Variants in PPP1CB observed in about 807,000 individuals in gnomAD.
PPP1CB encodes the protein protein phosphatase 1 catalytic subunit beta.
A neutral mutation model predicts 43.7 loss-of-function variants in PPP1CB; 2 were observed. That is an observed-to-expected ratio of 0.05 (90% CI 0.02 to 0.14). The LOEUF (loss-of-function observed/expected upper bound fraction) is 0.14. Ranked by LOEUF, PPP1CB falls within the 10% of genes least tolerant of loss-of-function variation. The pLI, the probability that PPP1CB is intolerant of heterozygous loss-of-function variation, is 1.00. For missense variants in PPP1CB, 84 were observed against 398.0 expected (o/e 0.21, Z 6.71); for synonymous variants, 136 against 135.6 (o/e 1.00, Z -0.02).
intron 7 of PPP1CB, among the ~76,000 whole-genome samples, chr2:28,796,507 G>A (rs1667500509): frequency 6.6e-6 from 1 of 151,956 alleles, no homozygotes; most frequent in Non-Finnish European, 1.5e-5. Context: ...CACCTCCCTG[G>A]TTAGCTGTAT....
chr2:28,784,155 G>T (rs987889181), intron 5 of PPP1CB, among the ~76,000 whole-genome samples, 177 bp downstream of exon 5: 3 of 152,194 alleles, frequency 2.0e-5, no homozygotes, highest in Admixed American at 6.5e-5. Flanking sequence ...ACTTTGCACT[G>T]ATCCTCAAAA....
intron 1 of PPP1CB, among the ~76,000 whole-genome samples, chr2:28,765,611 G>A (rs1333360023): frequency 1.3e-5 from 2 of 152,220 alleles, no homozygotes; most frequent in South Asian, 2.1e-4. Context: ...TTGGCAGCAC[G>A]GGTTATGTAT....
chr2:28,791,373 C>T (rs766335551), intron 6 of PPP1CB, among the ~76,000 whole-genome samples: 56 of 151,994 alleles, frequency 3.7e-4, no homozygotes, highest in Middle Eastern at 3.2e-3. Flanking sequence ...CACTGTTTCC[C>T]GGGCTGGTGT....
At chr2:28,757,362 G>A (rs969361992) in intron 1 of PPP1CB, among the ~76,000 whole-genome samples, 7 of 151,796 alleles carry the variant, frequency 4.6e-5, no homozygotes, top group Non-Finnish European at 8.8e-5. Flanking sequence ...TTTTTTTGTG[G>A]GCATATACTT....
At chr2:28,778,722 C>G in intron 2 of PPP1CB, 87 bp from the exon 3 acceptor site, 1 of 841,680 alleles carries the variant, frequency 1.2e-6, no homozygotes, top group South Asian at 1.6e-5. Context: ...GGGAGGATTA[C>G]ACAGGATGTG....
intron 1 of PPP1CB, among the ~76,000 whole-genome samples, chr2:28,774,433 C>CT (rs1237634768): frequency 4.0e-5 from 6 of 151,270 alleles, no homozygotes; most frequent in South Asian, 2.1e-4. Flanking sequence ...AAGGCGAATA[C>CT]TTTTTTTTTG....
chr2:28,787,780 C>T (rs1299618399), intron 5 of PPP1CB, among the ~76,000 whole-genome samples: 1 of 152,166 alleles, frequency 6.6e-6, no homozygotes, highest in Non-Finnish European at 1.5e-5. Context: ...CCCTCATCTA[C>T]CTGCCTATTA....
chr2:28,799,351 T>C lies in PPP1CB; in HGVS notation c.*48T>C. On this transcript the variant is annotated 3_prime_UTR_variant, in exon 8 of 8. Transcript: ENST00000395366. ...CCATCAGATTTGTTAAGGACATACTTCATAATATATAAGTGTGCACTGTAA... is the reference window on the plus strand; with the variant it reads ...CCATCAGATTTGTTAAGGACATACTCCATAATATATAAGTGTGCACTGTAA... The C allele has an allele frequency of 7.0e-7, 1 of 1,432,708 alleles. No homozygotes were observed. Among genetic ancestry groups the C allele is most frequent in the Non-Finnish European group, 9.8e-7 (1 of 1,017,934 alleles). 88.7% of individuals were successfully genotyped at this position (1,432,708 alleles called of 1,614,324 possible).
chr2:28,792,559 G>A (rs1345880885), intron 6 of PPP1CB, among the ~76,000 whole-genome samples: 1 of 152,030 alleles, frequency 6.6e-6, no homozygotes, highest in East Asian at 1.9e-4. Flanking sequence ...CTAAAAACAT[G>A]AGTGCCATTT....
chr2:28,751,911 T>G lies in PPP1CB; in HGVS notation c.-214T>G. Reference sequence around the variant, plus strand: ...TGTTCGAGGGGGCCTCTCTTGTTTATTTATTTATTTTCCGTGGGTGCCTCC... The same window carrying G: ...TGTTCGAGGGGGCCTCTCTTGTTTAGTTATTTATTTTCCGTGGGTGCCTCC... On this transcript the variant is annotated 5_prime_UTR_variant, in exon 1 of 8. Coordinates refer to ENST00000395366, the MANE Select transcript of PPP1CB (RefSeq NM_002709.3). 2 of 592,090 alleles carry G rather than the reference T, an allele frequency of 3.4e-6. No individual in the cohort carries two copies. Among genetic ancestry groups the G allele is most frequent in the African/African-American group, 1.9e-5 (1 of 51,826 alleles). The allele number at this position is 592,090 out of a possible 1,614,324, so 36.7% of individuals were successfully genotyped here.
At chr2:28,779,172 C>A (rs1242444630) in intron 3 of PPP1CB, 133 bp downstream of exon 3, 4 of 617,452 alleles carry the variant, frequency 6.5e-6, no homozygotes, top group Non-Finnish European at 1.1e-5. Context: ...GAAGAGGAAC[C>A]TGAAACTGGG....
chr2:28,763,928 A>ACAC (rs3076695), intron 1 of PPP1CB, among the ~76,000 whole-genome samples: 48,935 of 151,264 alleles, frequency 0.32, 9,151 homozygotes, highest in East Asian at 0.71. Context: ...CTGGTCTTGA[A>ACAC]CTGACCTCCT....
At chr2:28,781,954 A>G in intron 4 of PPP1CB, 112 bp downstream of exon 4, 1 of 764,492 alleles carries the variant, frequency 1.3e-6, no homozygotes. Flanking sequence ...TGAAAACTCA[A>G]GTGATTAAAA....
At chr2:28,755,555 T>C (rs536578134) in intron 1 of PPP1CB, among the ~76,000 whole-genome samples, 1 of 152,340 alleles carries the variant, frequency 6.6e-6, no homozygotes, top group African/African-American at 2.4e-5. Flanking sequence ...CCATAGTGTT[T>C]TGATCATTTA....
At chr2:28,768,874 A>G (rs572041824) in intron 1 of PPP1CB, among the ~76,000 whole-genome samples, 1 of 152,208 alleles carries the variant, frequency 6.6e-6, no homozygotes, top group Non-Finnish European at 1.5e-5. Context: ...AGACTTATGT[A>G]TTGCTGATAG....
chr2:28,789,056 A>T (rs1339478051), intron 6 of PPP1CB, among the ~76,000 whole-genome samples: 1 of 152,036 alleles, frequency 6.6e-6, no homozygotes, highest in Non-Finnish European at 1.5e-5. Context: ...ACTTCACATA[A>T]GCCCTCTCAT....
intron 4 of PPP1CB, chr2:28,782,459 G>T (rs1302735517): frequency 6.5e-6 from 1 of 153,296 alleles, no homozygotes; most frequent in African/African-American, 2.4e-5. Flanking sequence ...AGATAATTGA[G>T]TAATAAAAGG....
intron 2 of PPP1CB, among the ~76,000 whole-genome samples, chr2:28,777,793 C>G (rs1347404363): frequency 6.6e-6 from 1 of 152,174 alleles, no homozygotes; most frequent in Non-Finnish European, 1.5e-5. Flanking sequence ...GCTGGGATTA[C>G]AGGTGTGAGC....
chr2:28,760,922 A>G (rs942946560), intron 1 of PPP1CB, among the ~76,000 whole-genome samples: 2 of 152,108 alleles, frequency 1.3e-5, no homozygotes, highest in Non-Finnish European at 2.9e-5. Flanking sequence ...TTTTTCCGAG[A>G]TGGAGTCTCA....
Sources: gnomAD v4.1 joint callset for allele counts (sites outside exome capture counted in the v4.1 genomes callset) on GRCh38, gnomAD v4.1.1 for gene constraint, MANE v1.5 for transcripts, NCBI Gene and HGNC (gene_info 2026-07-23, HGNC 2026-07-21) for gene names.